The following ZDHHC24 variants were observed in gnomAD, a reference collection of about 807,000 sequenced individuals.
ZDHHC24 encodes zDHHC palmitoyltransferase 24.
A neutral mutation model predicts 23.2 loss-of-function variants in ZDHHC24; 17 were observed. The observed-to-expected ratio is 0.73, with a 90% CI of 0.50 to 1.10. ZDHHC24 has a LOEUF of 1.10. ZDHHC24 is among the 50% of genes least tolerant of loss of function. The pLI is 0.00. For synonymous variants in ZDHHC24, 186 were observed against 194.5 expected (o/e 0.96, Z 0.36); for missense variants, 366 against 393.0 (o/e 0.93, Z 0.58).
At chr11:66,534,769 C>T (rs902942964), downstream of ZDHHC24, among the ~76,000 whole-genome samples, 13 of 152,266 alleles carry the variant, frequency 8.5e-5, no homozygotes, top group Non-Finnish European at 1.9e-4. Flanking sequence ...GGTCTCGGCT[C>T]GCTGCAAGCA....
chr11:66,528,457 C>T (rs1856614371), intron 3 of ZDHHC24, among the ~76,000 whole-genome samples: 1 of 151,982 alleles, frequency 6.6e-6, no homozygotes, highest in African/African-American at 2.4e-5. Flanking sequence ...GGGGACTTAC[C>T]CTATCAGGTA....
chr11:66,521,403 CG>C (rs1856211699), exon 5 of ZDHHC24: 1 of 1,576,962 alleles, frequency 6.3e-7, no homozygotes, highest in Non-Finnish European at 8.7e-7. Context: ...TCTCCGGGGC[CG>C]GGAGGAACAT....
intron 4 of ZDHHC24, among the ~76,000 whole-genome samples, chr11:66,524,928 C>T (rs574073227): frequency 2.6e-5 from 4 of 152,080 alleles, no homozygotes; most frequent in African/African-American, 4.8e-5. Context: ...GGGCCGGGCA[C>T]GGTGGCTCAC....
rs745656125 is a variant in ZDHHC24 at position 66,529,926 on chromosome 11, C to T, written c.560-438G>A. Reference sequence around the variant, plus strand: ...CCTGAGCCCCCTGTCCACGACAGCCCGAGAGCCACTCAAGCTGCACGCCGT... The same window carrying T: ...CCTGAGCCCCCTGTCCACGACAGCCTGAGAGCCACTCAAGCTGCACGCCGT... On this transcript the variant is annotated intron_variant, in intron 2 of 4. Transcript: ENST00000526986. The T allele has an allele frequency of 1.2e-5, 20 of 1,604,816 alleles. No homozygotes were observed. Among genetic ancestry groups the T allele is most frequent in the Admixed American group, 1.7e-5 (1 of 59,878 alleles).
At position 66,544,662 on chromosome 11, in the gene ZDHHC24, T is replaced by G. The variant is rs1013204278; in HGVS notation, c.282-681A>C. On this transcript the variant is annotated intron_variant, in intron 1 of 2. Transcript: ENST00000310442. ...CCAAGTTTTTTGCTCAAATGCCTCC[T>G]TCTCTATGAGGTCTACCTTGACCAC... 2.0e-5 allele frequency among the ~76,000 whole-genome samples: 3 copies of G among 152,174 alleles called. No homozygotes were observed. In the East Asian group the frequency reaches 5.8e-4, roughly 29 times the overall value.
At chr11:66,531,067 G>T (rs1435162909), downstream of ZDHHC24, 1 of 1,612,870 alleles carries the variant, frequency 6.2e-7, no homozygotes. Context: ...AGTGGGAAAG[G>T]CCAGGGCAGG....
intron 4 of ZDHHC24, among the ~76,000 whole-genome samples, chr11:66,524,690 ACT>A (rs1856407073): frequency 6.6e-6 from 1 of 152,166 alleles, no homozygotes; most frequent in African/African-American, 2.4e-5. Context: ...AGGTTTTCAG[ACT>A]CTAAGTTGTG....
At chr11:66,535,372 CTTT>C (rs759509135), downstream of ZDHHC24, among the ~76,000 whole-genome samples, 4 of 134,556 alleles carry the variant, frequency 3.0e-5, no homozygotes, top group Admixed American at 7.5e-5. Context: ...CCACACAAGG[CTTT>C]TTTTTTTTTT....
rs138227301 is a variant in ZDHHC24, at chr11:66,543,889, C to T, written c.374G>A (p.Arg125His). The change falls in exon 2 of 3, where the codon CGC becomes CAC. Residue 125 changes from arginine to histidine, a missense_variant. Arg to His is a conservative substitution (Grantham distance 29). Transcript: ENST00000310442. ...GAAGCCCACGCAGCGGCCCAGCAGGCGGCAGTGGTGGTCCCGACGCAGGAT... is the reference window on the plus strand; with the variant it reads ...GAAGCCCACGCAGCGGCCCAGCAGGTGGCAGTGGTGGTCCCGACGCAGGAT... ...VCILRRDHHC[R>H]LLGRCVGFGN... 33 of 1,613,842 alleles carry T rather than the reference C, an allele frequency of 2.0e-5. No individual in the cohort carries two copies. In the African/African-American group the frequency reaches 2.4e-4, roughly 12 times the overall value.
rs780387722 is a variant in ZDHHC24, at chr11:66,543,826, G to A, written c.437C>T (p.Ala146Val). ...AGAGACGTGGAGCAGGACGCCGGCG[G>A]CATGAAGCAGCAGGCACAGGAAGGG... ...YRPFLCLLLH[A>V]AGVLLHVSVL... Residue 146 changes from alanine (A) to valine (V), a missense_variant, in exon 2 of 3, where the codon GCC becomes GTC. Transcript: ENST00000310442. The A allele has an allele frequency of 1.2e-6, 2 of 1,613,698 alleles. No homozygotes were observed. The highest frequency in any genetic ancestry group is 2.2e-5 in the South Asian group (2 of 91,052).
chr11:66,529,460 G>T, exon 3 of ZDHHC24: 1 of 776,132 alleles, frequency 1.3e-6, no homozygotes, highest in Non-Finnish European at 2.2e-6. Flanking sequence ...TCTTTGTGGT[G>T]GTCAGAGCTG....
At chr11:66,526,509 T>TAC (rs1856500360) in intron 4 of ZDHHC24, 1 of 1,062,198 alleles carries the variant, frequency 9.4e-7, no homozygotes, top group Non-Finnish European at 1.4e-6. Context: ...TGCACTTTGT[T>TAC]ACTTCCAGAA....
chr11:66,530,752 C>A, downstream of ZDHHC24: 1 of 1,245,546 alleles, frequency 8.0e-7, no homozygotes, highest in Non-Finnish European at 1.2e-6. Context: ...TCTGCCCCTT[C>A]TGGTCTTCTG....
chr11:66,534,211 G>C (rs900235055), downstream of ZDHHC24, among the ~76,000 whole-genome samples: 2 of 151,038 alleles, frequency 1.3e-5, no homozygotes, highest in Non-Finnish European at 2.9e-5. Flanking sequence ...TTGGGAGGCC[G>C]AGGCAGGCAG....
In ZDHHC24 at chr11:66,526,563, A is replaced by G. The variant is rs927826312; in HGVS notation, c.*21+373T>C. 5 of 1,564,506 alleles carry G rather than the reference A, an allele frequency of 3.2e-6. No individual in the cohort carries two copies. In the Admixed American group the frequency reaches 5.0e-5, roughly 16 times the overall value. Reference sequence around the variant, plus strand: ...CGGATGTGTACAGAAGCAACTCTATAGGAGGCAGATTGTTTGGGGAAGAAA... The same window carrying G: ...CGGATGTGTACAGAAGCAACTCTATGGGAGGCAGATTGTTTGGGGAAGAAA... On this transcript the variant is annotated intron_variant, in intron 4 of 4. Coordinates refer to the ZDHHC24 transcript ENST00000526986.
At position 66,539,618 on chromosome 11, in the gene ZDHHC24, C is replaced by G; in HGVS notation, c.766G>C (p.Val256Leu). The G allele has an allele frequency of 3.1e-6, 5 of 1,613,194 alleles. No individual in the cohort carries two copies. The highest frequency in any genetic ancestry group is 3.4e-6 in the Non-Finnish European group (4 of 1,179,724). The part of the protein sequence containing the change: ...QAALGPRWAL[V>L]WLWPFLASPL... The stretch of plus-strand genomic sequence containing the variant: ...GAGGCCAGGAAGGGCCAGAGCCAGA[C>G]GAGGGCCCAGCGGGGCCCCAGGGCT... Residue 256 changes from valine (V) to leucine (L), a missense_variant, in exon 3 of 3, where the codon GTC becomes CTC. By Grantham distance (32) the Val-to-Leu change is conservative. Coordinates refer to ENST00000310442, the MANE Select transcript of ZDHHC24 (RefSeq NM_207340.3).
rs2134830735 is a variant in ZDHHC24, at chr11:66,529,844, C to T, written c.560-356G>A. 1.2e-6 allele frequency: 2 copies of T among 1,611,266 alleles called. No individual in the cohort carries two copies. Among genetic ancestry groups the T allele is most frequent in the East Asian group, 2.2e-5 (1 of 44,866 alleles). ...CCATGCACCGGGCCTTCCAGACAGA[C>T]CTATACCTGCTGCGCCTACGTGCTG... On this transcript the variant is annotated intron_variant, in intron 2 of 4. Coordinates refer to the ZDHHC24 transcript ENST00000526986.
chr11:66,545,091 G>A lies in ZDHHC24; in HGVS notation c.281+632C>T, dbSNP rs1857270914. Among the ~76,000 whole-genome samples, 1 of 152,190 alleles carries A rather than the reference G, an allele frequency of 6.6e-6. No individual in the cohort carries two copies. Among genetic ancestry groups the A allele is most frequent in the Non-Finnish European group, 1.5e-5 (1 of 68,026 alleles). ...GTCTTGCTCTGTCACCCAGGCTGGA[G>A]TGCAGTGGCTCGATCTCGGCTCACT... On this transcript the variant is annotated intron_variant, in intron 1 of 2. Transcript: ENST00000310442. The surrounding 1 kb of genome is among the most constrained non-coding windows in gnomAD (Gnocchi z 4.5).
chr11:66,538,971 G>A lies in ZDHHC24; in HGVS notation c.*558C>T, dbSNP rs1287332132. Reference sequence around the variant, plus strand: ...TCTTAGAGCGTAACTGCTGCCCCATGGACCAGGTTAGCTAAGAGAGGTTCC... The same window carrying A: ...TCTTAGAGCGTAACTGCTGCCCCATAGACCAGGTTAGCTAAGAGAGGTTCC... On this transcript the variant is annotated 3_prime_UTR_variant, in exon 3 of 3. Coordinates refer to ENST00000310442, the MANE Select transcript of ZDHHC24 (RefSeq NM_207340.3). The A allele has an allele frequency of 6.5e-6, 1 of 152,790 alleles. No homozygotes were observed. Among genetic ancestry groups the A allele is most frequent in the Admixed American group, 6.5e-5 (1 of 15,284 alleles). The allele number at this position is 152,790 out of a possible 1,614,324, so 9.5% of individuals were successfully genotyped here.
Sources: allele counts gnomAD v4.1 joint callset (sites outside exome capture counted in the v4.1 genomes callset), GRCh38; gene constraint gnomAD v4.1.1; non-coding constraint Gnocchi (gnomAD v3.1); transcripts MANE v1.5; gene names NCBI Gene and HGNC (gene_info 2026-07-23, HGNC 2026-07-21).